ZFHX3: variants seen among roughly 807,000 people sequenced by gnomAD.
ZFHX3 encodes zinc finger homeobox 3, also known as zinc finger homeobox protein 3.
Under a neutral mutation model 279.1 loss-of-function variants are expected in ZFHX3, and 42 were observed. The observed-to-expected ratio is 0.15, with a 90% CI of 0.12 to 0.19. ZFHX3 has a LOEUF of 0.19. Ranked by LOEUF, ZFHX3 falls within the 10% of genes least tolerant of loss-of-function variation. The probability of loss-of-function intolerance (pLI) is 1.00; values close to 1 mark genes in which losing one functional copy is unlikely to be tolerated. For missense variants in ZFHX3, 4,981 were observed against 4,754.0 expected (o/e 1.05, Z -1.40); for synonymous variants, 2,293 against 1,957.8 (o/e 1.17, Z -4.52).
intron 1 of ZFHX3, among the ~76,000 whole-genome samples, chr16:72,974,679 G>A (rs953097169): frequency 4.6e-5 from 7 of 152,228 alleles, no homozygotes; most frequent in African/African-American, 1.7e-4. Context: ...TTCAAGCAGT[G>A]GGAAGCCAAA....
intron 7 of ZFHX3, among the ~76,000 whole-genome samples, chr16:73,105,929 A>ACCCCCCCCCCCCCCCCCCCCC (rs34679627): frequency 9.0e-6 from 1 of 110,846 alleles, no homozygotes; most frequent in Non-Finnish European, 1.8e-5. Context: ...ATGTACACGG[A>ACCCCCCCCCCCCCCCCCCCCC]CCCCCTCCCC....
At chr16:72,819,738 G>C (rs1218960681) in intron 5 of ZFHX3, among the ~76,000 whole-genome samples, 1 of 152,194 alleles carries the variant, frequency 6.6e-6, no homozygotes, top group Non-Finnish European at 1.5e-5. Flanking sequence ...ATGACAGCCA[G>C]GTTTGGTCTC....
intron 2 of ZFHX3, among the ~76,000 whole-genome samples, chr16:73,552,226 G>A (rs1253985337): frequency 6.6e-6 from 1 of 152,152 alleles, no homozygotes; most frequent in Non-Finnish European, 1.5e-5. Flanking sequence ...ATCATTGCCA[G>A]TAAACTTCTC....
At chr16:73,671,232 C>T (rs146084582) in intron 2 of ZFHX3, among the ~76,000 whole-genome samples, 83 of 152,358 alleles carry the variant, frequency 5.4e-4, no homozygotes, top group African/African-American at 1.9e-3. Flanking sequence ...GGATTAACCA[C>T]ATTTGCTCAC....
At chr16:73,160,135 G>T (rs533838134) in intron 5 of ZFHX3, among the ~76,000 whole-genome samples, 2 of 152,294 alleles carry the variant, frequency 1.3e-5, no homozygotes, top group East Asian at 3.9e-4. Flanking sequence ...TAGCTGTTAT[G>T]CAATGGCAGT....
chr16:73,841,480 G>A (rs975050687), intron 1 of ZFHX3, among the ~76,000 whole-genome samples: 2 of 151,982 alleles, frequency 1.3e-5, no homozygotes, highest in Non-Finnish European at 2.9e-5. Context: ...CTGGGAGATC[G>A]GCATGACCAA....
At chr16:73,172,075 C>T (rs1444167163) in intron 5 of ZFHX3, among the ~76,000 whole-genome samples, 5 of 152,226 alleles carry the variant, frequency 3.3e-5, no homozygotes, top group African/African-American at 1.2e-4. Flanking sequence ...CCATTTCCCA[C>T]CCCTCCTCCA....
intron 3 of ZFHX3, among the ~76,000 whole-genome samples, chr16:73,337,213 C>A (rs1007760498): frequency 1.3e-5 from 2 of 152,176 alleles, no homozygotes; most frequent in East Asian, 1.9e-4. Flanking sequence ...TCTGACCCAA[C>A]CTTCCATCCA....
chr16:73,419,960 C>G (rs1254418573), intron 3 of ZFHX3: 1 of 151,090 alleles, frequency 6.6e-6, no homozygotes, highest in Non-Finnish European at 1.5e-5. Context: ...AGGCTGGAGT[C>G]CAGAGGCGTG....
intron 1 of ZFHX3, among the ~76,000 whole-genome samples, chr16:73,765,305 TTGAA>T (rs2053919009): frequency 2.0e-5 from 3 of 152,216 alleles, no homozygotes; most frequent in Admixed American, 2.0e-4. Flanking sequence ...TCTGTCTTGT[TTGAA>T]TGGGAAACAT....
At chr16:72,943,488 C>T (rs1233627772) in intron 3 of ZFHX3, among the ~76,000 whole-genome samples, 3 of 152,154 alleles carry the variant, frequency 2.0e-5, no homozygotes, top group East Asian at 1.9e-4. Flanking sequence ...GCTGAGATCA[C>T]GCCACTGCAC....
chr16:73,200,143 T>C (rs918360325), intron 5 of ZFHX3, among the ~76,000 whole-genome samples: 4 of 152,116 alleles, frequency 2.6e-5, no homozygotes, highest in African/African-American at 9.7e-5. Flanking sequence ...ACCAGTGTTA[T>C]GAAGAAGAAT....
rs139627800 is a variant in ZFHX3, at chr16:73,503,263, T to G, written c.-1546-47005A>C. On this transcript the variant is annotated intron_variant, in intron 2 of 17. Coordinates refer to the ZFHX3 transcript ENST00000641206. ...CATGTGTCACATTGTAACATCTATA[T>G]GTCACGGCCACTTAGGTAAATAGCA... Among the ~76,000 whole-genome samples, 60 of 152,362 alleles carry G rather than the reference T, an allele frequency of 3.9e-4. 1 individual carries two copies. The East Asian group carries it at 0.011, about 27-fold the overall frequency.
rs200498020 is a variant in ZFHX3, at chr16:73,202,736, CTT to C, written c.-1104+54309_-1104+54310del. Among the ~76,000 whole-genome samples, 380 of 152,176 alleles carry C rather than the reference CTT, an allele frequency of 2.5e-3. 2 individuals carry two copies. Among genetic ancestry groups the C allele is most frequent in the Middle Eastern group, 6.8e-3 (2 of 294 alleles). ...TTCATGTGATGCACTTTTCACATCT[CTT>C]TGCCTTTGATTTTGCAGGTCCTTCT... On this transcript the variant is annotated intron_variant, in intron 5 of 17. Coordinates refer to the ZFHX3 transcript ENST00000641206.
At chr16:73,123,436 A>G (rs1966524259) in intron 7 of ZFHX3, 1 of 147,554 alleles carries the variant, frequency 6.8e-6, no homozygotes, top group Non-Finnish European at 1.5e-5. Context: ...CTGGAGACAC[A>G]TAGCCTGGTC....
At chr16:72,930,078 C>G (rs1016028599) in intron 3 of ZFHX3, among the ~76,000 whole-genome samples, 1 of 152,188 alleles carries the variant, frequency 6.6e-6, no homozygotes, top group Non-Finnish European at 1.5e-5. Context: ...ATTAGCCAGG[C>G]GTGGTGGCGG....
intron 2 of ZFHX3, among the ~76,000 whole-genome samples, chr16:73,484,390 C>A (rs527626800): frequency 1.4e-4 from 22 of 152,254 alleles, no homozygotes; most frequent in Non-Finnish European, 1.8e-4. Flanking sequence ...CATTAAGCCC[C>A]GAACTCATGC....
intron 3 of ZFHX3, among the ~76,000 whole-genome samples, chr16:73,340,230 G>C (rs936802281): frequency 2.6e-5 from 4 of 152,210 alleles, no homozygotes; most frequent in African/African-American, 9.6e-5. Flanking sequence ...AAAGCAGCAT[G>C]GTGTTGGTGC....
At chr16:73,071,479 C>CTGCTGCT (rs1336144367) in intron 8 of ZFHX3, among the ~76,000 whole-genome samples, 2,803 of 132,196 alleles carry the variant, frequency 0.021, 92 homozygotes, top group African/African-American at 0.096. Flanking sequence ...CTGCTGCTGC[C>CTGCTGCT]GCCGCCGCCG....
Sources: gnomAD v4.1 joint callset for allele counts (sites outside exome capture counted in the v4.1 genomes callset) on GRCh38, gnomAD v4.1.1 for gene constraint, MANE v1.5 for transcripts, NCBI Gene and HGNC (gene_info 2026-07-23, HGNC 2026-07-21) for gene names.